Variants in NUF2 observed in about 807,000 individuals in gnomAD.
NUF2 encodes the protein NUF2 component of NDC80 kinetochore complex, also known as kinetochore protein Nuf2.
A neutral mutation model predicts 61.8 loss-of-function variants in NUF2; 34 were observed. The observed-to-expected ratio is 0.55, with a 90% CI of 0.42 to 0.73. The LOEUF (loss-of-function observed/expected upper bound fraction) is 0.73, where lower values mean the gene tolerates loss of function less well. Ranked by LOEUF, NUF2 falls within the 30% of genes least tolerant of loss-of-function variation. The pLI, the probability that NUF2 is intolerant of heterozygous loss-of-function variation, is 0.00. For synonymous variants in NUF2, 172 were observed against 181.6 expected, an observed-to-expected ratio of 0.95 and a Z score of 0.42; for missense variants, 445 against 539.1, an observed-to-expected ratio of 0.83 and a Z score of 1.73.
chr1:163,328,128 T>C, intron 3 of NUF2, 100 bp from the exon 4 acceptor site: 1 of 703,056 alleles, frequency 1.4e-6, no homozygotes, highest in Non-Finnish European at 2.4e-6. Flanking sequence ...AGGTTTTTAA[T>C]TTAATGATAG....
chr1:163,347,758 T>C lies in NUF2; in HGVS notation c.949-5T>C, dbSNP rs752321531. On this transcript the variant is annotated splice_region_variant and splice_polypyrimidine_tract_variant and intron_variant, in intron 11 of 13. Coordinates refer to ENST00000271452, the MANE Select transcript of NUF2 (RefSeq NM_145697.3). The stretch of plus-strand genomic sequence containing the variant: ...TTGACTTTAAATACTTCTTATAAAA[T>C]ACAGAGCCTGAACTTGGAGGACCAA... 7 of 1,521,464 alleles carry C rather than the reference T, an allele frequency of 4.6e-6. No individual in the cohort carries two copies. The South Asian group carries it at 9.2e-5, about 20-fold the overall frequency. The allele number at this position is 1,521,464 out of a possible 1,614,324, so 94.2% of individuals were successfully genotyped here.
At chr1:163,340,544 C>A in intron 9 of NUF2, 118 bp downstream of exon 9, 1 of 633,682 alleles carries the variant, frequency 1.6e-6, no homozygotes, top group Non-Finnish European at 2.7e-6. Context: ...CAAAATGAAA[C>A]AATCTTTTTC....
intron 6 of NUF2, among the ~76,000 whole-genome samples, chr1:163,337,722 A>G (rs1019920607): frequency 6.6e-6 from 1 of 152,068 alleles, no homozygotes; most frequent in Non-Finnish European, 1.5e-5. Context: ...ATGAAAAATA[A>G]CAAGCTATTT....
chr1:163,348,626 G>A (rs1651212070), intron 12 of NUF2, among the ~76,000 whole-genome samples: 1 of 152,074 alleles, frequency 6.6e-6, no homozygotes, highest in African/African-American at 2.4e-5. Context: ...CAGTACCTAA[G>A]TGTGTACAAC....
In NUF2 at chr1:163,328,898, C is replaced by G; in HGVS notation, c.328C>G (p.Leu110Val). ...RVNDFETADILCPKAKRTSRF... is the reference protein window; with the variant it reads ...RVNDFETADIVCPKAKRTSRF... ...GAATGACTTTGAGACTGCTGATATT[C>G]TATGTCCAAGTAAGTGAGAATTTAA... The change falls in exon 5 of 14, where the codon CTA becomes GTA. Residue 110 changes from leucine (L) to valine (V), a missense_variant. Transcript: ENST00000271452. 1.3e-6 allele frequency: 2 copies of G among 1,592,562 alleles called. No individual in the cohort carries two copies. The highest frequency in any genetic ancestry group is 1.1e-5 in the South Asian group (1 of 90,364).
At chr1:163,350,859 A>G (rs1426464600) in intron 13 of NUF2, among the ~76,000 whole-genome samples, 14 of 152,150 alleles carry the variant, frequency 9.2e-5, no homozygotes, top group Admixed American at 9.2e-4. Context: ...TTCAATAGGT[A>G]TGGCCACCCA....
At chr1:163,339,314 GAC>G (rs1650862614) in intron 7 of NUF2, 65 bp from the exon 8 acceptor site, 1 of 875,268 alleles carries the variant, frequency 1.1e-6, no homozygotes, top group African/African-American at 1.7e-5. Flanking sequence ...GTTATTTGAG[GAC>G]AGGTATTTCA....
At position 163,355,502 on chromosome 1, in the gene NUF2, T is replaced by C. The variant is rs751581950; in HGVS notation, c.*33T>C. On this transcript the variant is annotated 3_prime_UTR_variant, in exon 14 of 14. Coordinates refer to ENST00000271452, the MANE Select transcript of NUF2 (RefSeq NM_145697.3). The stretch of plus-strand genomic sequence containing the variant: ...AATTACATGTCTTTTTGTAAATGGC[T>C]TGCCATCTTTTAATTTTCTATTTAG... The C allele has an allele frequency of 2.6e-6, 4 of 1,553,806 alleles. No homozygotes were observed. The South Asian group carries it at 4.9e-5, about 19-fold the overall frequency.
intron 10 of NUF2, 126 bp downstream of exon 10, chr1:163,343,996 G>T (rs1170669689): frequency 6.5e-6 from 3 of 461,498 alleles, no homozygotes; most frequent in Non-Finnish European, 1.1e-5. Context: ...AAACTTTTTT[G>T]ACCTTATTTC....
chr1:163,325,254 C>T (rs1313991350), intron 1 of NUF2, among the ~76,000 whole-genome samples: 3 of 152,092 alleles, frequency 2.0e-5, no homozygotes, highest in East Asian at 1.9e-4. Context: ...CCCTATACAT[C>T]GTAAGATGTT....
chr1:163,327,659 G>A, intron 3 of NUF2, 97 bp downstream of exon 3: 1 of 731,360 alleles, frequency 1.4e-6, no homozygotes, highest in Non-Finnish European at 2.4e-6. Context: ...TGGCTTTTAG[G>A]ATAGGAAGTT....
chr1:163,354,548 T>C (rs1651426611), intron 13 of NUF2, among the ~76,000 whole-genome samples: 1 of 152,074 alleles, frequency 6.6e-6, no homozygotes, highest in Non-Finnish European at 1.5e-5. Context: ...AAAAATTTAG[T>C]GGGAGAGACA....
At chr1:163,324,913 T>TC in intron 1 of NUF2, among the ~76,000 whole-genome samples, 1 of 150,544 alleles carries the variant, frequency 6.6e-6, no homozygotes. Context: ...TTTTTTTTTT[T>TC]TTTTTGACAC....
Position 163,355,404 on chromosome 1 carries a change from T to G in NUF2, c.1330T>G (p.Ser444Ala). The stretch of plus-strand genomic sequence containing the variant: ...CGGTATTGAAAAGGCAGCAGAGGAC[T>G]CCTATGCTAAGATAGATGAGAAGAC... ...HDGIEKAAEDSYAKIDEKTAE... is the reference protein window; with the variant it reads ...HDGIEKAAEDAYAKIDEKTAE... Residue 444 changes from serine (S) to alanine (A), a missense_variant, in exon 14 of 14, where the codon TCC (serine) becomes GCC (alanine). Physicochemically the swap from Ser to Ala is moderately conservative, Grantham distance 99. Coordinates refer to ENST00000271452, the MANE Select transcript of NUF2 (RefSeq NM_145697.3). 1 of 1,609,818 alleles carries G rather than the reference T, an allele frequency of 6.2e-7. No individual in the cohort carries two copies. The highest frequency in any genetic ancestry group is 1.1e-5 in the South Asian group (1 of 90,568).
At chr1:163,334,898 C>T (rs1343748175) in intron 5 of NUF2, among the ~76,000 whole-genome samples, 3 of 152,178 alleles carry the variant, frequency 2.0e-5, no homozygotes, top group Admixed American at 1.3e-4. Context: ...GCAGAATGCA[C>T]AGATATGGAG....
chr1:163,338,012 T>G lies in NUF2; in HGVS notation c.436-8T>G. On this transcript the variant is annotated splice_polypyrimidine_tract_variant and splice_region_variant and intron_variant, in intron 6 of 13. Coordinates refer to ENST00000271452, the MANE Select transcript of NUF2 (RefSeq NM_145697.3). ...ACTAATATGAGATGATTAAAATTGC[T>G]TTAATAGAAATCCTCTGCGGACAAA... 1 of 1,611,122 alleles carries G rather than the reference T, an allele frequency of 6.2e-7. No individual in the cohort carries two copies. Among genetic ancestry groups the G allele is most frequent in the East Asian group, 2.2e-5 (1 of 44,822 alleles).
At chr1:163,347,122 C>T (rs1269999123) in intron 11 of NUF2, among the ~76,000 whole-genome samples, 1 of 152,158 alleles carries the variant, frequency 6.6e-6, no homozygotes, top group East Asian at 1.9e-4. Context: ...TAGTGCCCAA[C>T]ACTGTATCTA....
At chr1:163,334,267 C>T (rs1650686039) in intron 5 of NUF2, among the ~76,000 whole-genome samples, 6 of 152,052 alleles carry the variant, frequency 3.9e-5, no homozygotes. Context: ...AATAGTGCTA[C>T]AATAAACATA....
At chr1:163,343,345 G>T (rs558151163) in intron 9 of NUF2, among the ~76,000 whole-genome samples, 20 of 152,132 alleles carry the variant, frequency 1.3e-4, no homozygotes, top group Non-Finnish European at 2.6e-4. Flanking sequence ...GATTTTCAGG[G>T]ATCAGTACAA....
Sources: gnomAD v4.1 joint callset for allele counts (sites outside exome capture counted in the v4.1 genomes callset) on GRCh38, gnomAD v4.1.1 for gene constraint, MANE v1.5 for transcripts, NCBI Gene and HGNC (gene_info 2026-07-23, HGNC 2026-07-21) for gene names.